CA8: variants seen among roughly 807,000 people sequenced by gnomAD.
CA8 encodes carbonic anhydrase 8 (inactive).
In CA8, 22 loss-of-function variants were observed where a neutral mutation model predicts 41.4. The observed-to-expected ratio is 0.53, with a 90% CI of 0.38 to 0.76. CA8 has a LOEUF of 0.76. CA8 is among the 30% of genes least tolerant of loss of function. The pLI, the probability that CA8 is intolerant of heterozygous loss-of-function variation, is 0.00. For synonymous variants in CA8, 121 were observed against 130.6 expected, an observed-to-expected ratio of 0.93 and a Z score of 0.50; for missense variants, 270 against 352.8, an observed-to-expected ratio of 0.77 and a Z score of 1.88.
chr8:60,217,674 C>A (rs1291478153), intron 7 of CA8, among the ~76,000 whole-genome samples: 2 of 152,200 alleles, frequency 1.3e-5, no homozygotes. Flanking sequence ...TCCATGAAGG[C>A]TGCTCTTCCT....
At chr8:60,209,558 A>G (rs770670008) in intron 7 of CA8, among the ~76,000 whole-genome samples, 29 of 152,182 alleles carry the variant, frequency 1.9e-4, no homozygotes, top group Non-Finnish European at 4.0e-4. Flanking sequence ...AAAGTGAACA[A>G]ATGAATGTGC....
intron 7 of CA8, among the ~76,000 whole-genome samples, chr8:60,217,570 C>G (rs1169726629): frequency 6.6e-6 from 1 of 152,216 alleles, no homozygotes; most frequent in Non-Finnish European, 1.5e-5. Flanking sequence ...TCTACACTAA[C>G]AGCTTCACCC....
intron 2 of CA8, among the ~76,000 whole-genome samples, chr8:60,274,154 G>A (rs1357042203): frequency 2.2e-5 from 1 of 45,516 alleles, no homozygotes; most frequent in African/African-American, 1.1e-4. Context: ...CTTCTTGTGT[G>A]GATTTTTTTT....
intron 3 of CA8, among the ~76,000 whole-genome samples, chr8:60,257,444 G>C (rs1021158512): frequency 9.9e-5 from 15 of 152,234 alleles, no homozygotes; most frequent in Non-Finnish European, 1.5e-4. Context: ...TCATAGATAA[G>C]TTTTATAGGC....
chr8:60,256,001 C>G (rs746684287), intron 3 of CA8, among the ~76,000 whole-genome samples: 29 of 151,710 alleles, frequency 1.9e-4, no homozygotes, highest in Admixed American at 5.9e-4. Context: ...CTCCGCCTCC[C>G]GGGTTCAAGC....
chr8:60,272,613 C>G (rs1804107995), intron 2 of CA8, among the ~76,000 whole-genome samples: 1 of 152,150 alleles, frequency 6.6e-6, no homozygotes, highest in Admixed American at 6.5e-5. Flanking sequence ...CTCAGGCTCC[C>G]CATATCCAAA....
chr8:60,219,546 G>A (rs1807162167), intron 7 of CA8, among the ~76,000 whole-genome samples: 1 of 152,140 alleles, frequency 6.6e-6, no homozygotes, highest in African/African-American at 2.4e-5. Context: ...CCAACTGTCT[G>A]AGAGAAACAA....
chr8:60,205,768 A>G (rs1046481327), intron 8 of CA8, among the ~76,000 whole-genome samples: 1 of 152,186 alleles, frequency 6.6e-6, no homozygotes, highest in Non-Finnish European at 1.5e-5. Flanking sequence ...ATTTTTTTAA[A>G]AATCTGTCAT....
rs919434136 is a variant in CA8 at position 60,188,210 on chromosome 8, G to A, written c.*1811C>T. 1.1e-4 allele frequency: 16 copies of A among 152,150 alleles called. No homozygotes were observed. The highest frequency in any genetic ancestry group is 1.0e-3 in the Admixed American group (16 of 15,270). 9.4% of individuals were successfully genotyped at this position (152,150 alleles called of 1,614,324 possible). ...CACACACCTGTGAAGGGTGAAGTCT[G>A]AACAACTAGATGTTATCCTGAAAGT... On this transcript the variant is annotated 3_prime_UTR_variant, in exon 9 of 9. Coordinates refer to ENST00000317995, the MANE Select transcript of CA8 (RefSeq NM_004056.6).
intron 3 of CA8, 97 bp from the exon 4 acceptor site, chr8:60,232,476 A>T: frequency 1.2e-6 from 1 of 845,618 alleles, no homozygotes; most frequent in Non-Finnish European, 2.1e-6. Context: ...TCTATATGGT[A>T]TCACATACCA....
At position 60,187,270 on chromosome 8, in the gene CA8, T is replaced by C. The variant is rs1312596252; in HGVS notation, c.*2751A>G. ...AAAGGCAAAGTATTTTCTAATACCTTGAGATGAATGAAAACAAAAACATGG... is the reference window on the plus strand; with the variant it reads ...AAAGGCAAAGTATTTTCTAATACCTCGAGATGAATGAAAACAAAAACATGG... On this transcript the variant is annotated 3_prime_UTR_variant, in exon 9 of 9. Coordinates refer to ENST00000317995, the MANE Select transcript of CA8 (RefSeq NM_004056.6). The C allele has an allele frequency of 1.3e-5, 2 of 152,072 alleles. No individual in the cohort carries two copies. The highest frequency in any genetic ancestry group is 2.9e-5 in the Non-Finnish European group (2 of 67,966). 9.4% of individuals were successfully genotyped at this position (152,072 alleles called of 1,614,324 possible).
At chr8:60,248,063 G>C (rs916149193) in intron 3 of CA8, among the ~76,000 whole-genome samples, 1 of 151,346 alleles carries the variant, frequency 6.6e-6, no homozygotes, top group East Asian at 1.9e-4. Context: ...CTTTTGAGAA[G>C]TGTCTGTTCA....
At chr8:60,231,209 T>C (rs1480031389) in intron 4 of CA8, among the ~76,000 whole-genome samples, 1 of 152,160 alleles carries the variant, frequency 6.6e-6, no homozygotes, top group African/African-American at 2.4e-5. Flanking sequence ...AACGCCGTTA[T>C]AAAACACAAG....
chr8:60,231,872 C>T (rs73245619), intron 4 of CA8, among the ~76,000 whole-genome samples: 2,421 of 152,256 alleles, frequency 0.016, 76 homozygotes, highest in African/African-American at 0.056. Context: ...CAAGTCATCT[C>T]AGAGTGAAAA....
chr8:60,243,069 C>T (rs1420514082), intron 3 of CA8, among the ~76,000 whole-genome samples: 2 of 152,206 alleles, frequency 1.3e-5, no homozygotes, highest in Non-Finnish European at 2.9e-5. Flanking sequence ...AGAATTGGGG[C>T]CATGCCTCCA....
chr8:60,211,707 A>G (rs1806841467), intron 7 of CA8, among the ~76,000 whole-genome samples: 1 of 152,222 alleles, frequency 6.6e-6, no homozygotes, highest in Non-Finnish European at 1.5e-5. Flanking sequence ...TTCACAAGAA[A>G]TGTTTTTCTC....
chr8:60,219,768 T>C (rs1366212141), intron 7 of CA8, among the ~76,000 whole-genome samples: 1 of 152,010 alleles, frequency 6.6e-6, no homozygotes, highest in African/African-American at 2.4e-5. Flanking sequence ...TTACTACCTG[T>C]GTCAACCAGG....
At chr8:60,235,513 TAAG>T (rs928769279) in intron 3 of CA8, among the ~76,000 whole-genome samples, 1 of 152,212 alleles carries the variant, frequency 6.6e-6, no homozygotes, top group Admixed American at 6.5e-5. Context: ...TTGCTCACCA[TAAG>T]AAAGTCTCTT....
chr8:60,262,222 A>C (rs1322712942), intron 3 of CA8, among the ~76,000 whole-genome samples: 1 of 152,124 alleles, frequency 6.6e-6, no homozygotes, highest in Non-Finnish European at 1.5e-5. Flanking sequence ...GCAGAATGTG[A>C]ACCTGTGAGC....
Sources: allele counts gnomAD v4.1 joint callset (sites outside exome capture counted in the v4.1 genomes callset), GRCh38; gene constraint gnomAD v4.1.1; transcripts MANE v1.5; gene names NCBI Gene and HGNC (gene_info 2026-07-23, HGNC 2026-07-21).